Variants in KCNQ5 observed in about 807,000 individuals in gnomAD.
KCNQ5 encodes the protein potassium voltage-gated channel subfamily KQT member 5.
In KCNQ5, 30 loss-of-function variants were observed where a neutral mutation model predicts 98.2. The observed-to-expected ratio is 0.31, with a 90% CI of 0.23 to 0.41. KCNQ5 has a LOEUF of 0.41. Among genes scored for constraint, KCNQ5 ranks in the 10% least tolerant of loss-of-function variants. KCNQ5 has a pLI of 1.00. For synonymous variants in KCNQ5, 458 were observed against 449.4 expected (o/e 1.02, Z -0.24); for missense variants, 835 against 1,182.5 (o/e 0.71, Z 4.31).
At chr6:73,128,286 AT>A (rs1260015896) in intron 9 of KCNQ5, among the ~76,000 whole-genome samples, 2 of 152,208 alleles carry the variant, frequency 1.3e-5, no homozygotes, top group Non-Finnish European at 2.9e-5. Flanking sequence ...TTTCCTCTGA[AT>A]TCCCACTAAA....
Position 72,801,112 on chromosome 6 carries a change from G to A in KCNQ5, c.398+178525G>A, listed in dbSNP as rs1191297765. ...AAAAATGTATATTCTGTTGATTTGG[G>A]GTGGAGAGTTCTGGAGATGTCTATT... is the stretch of plus-strand genomic sequence containing the variant. On this transcript the variant is annotated intron_variant, in intron 1 of 13. Coordinates refer to ENST00000370398, the MANE Select transcript of KCNQ5 (RefSeq NM_019842.4). Among the ~76,000 whole-genome samples, 5 of 152,196 alleles carry A rather than the reference G, an allele frequency of 3.3e-5. No individual in the cohort carries two copies. In the South Asian group the frequency reaches 1.0e-3, roughly 32 times the overall value.
At chr6:72,712,966 CTT>C in intron 1 of KCNQ5, among the ~76,000 whole-genome samples, 1 of 152,266 alleles carries the variant, frequency 6.6e-6, no homozygotes, top group East Asian at 1.9e-4. Flanking sequence ...GCAACAAAAA[CTT>C]TCTCTCTCCT....
At chr6:72,986,603 G>A (rs1768789081) in intron 1 of KCNQ5, 2 of 663,976 alleles carry the variant, frequency 3.0e-6, no homozygotes, top group Non-Finnish European at 5.4e-6. Flanking sequence ...GGAGCACGTA[G>A]AACCTGACAC....
At chr6:72,961,383 GA>G (rs1292465977) in intron 1 of KCNQ5, among the ~76,000 whole-genome samples, 1 of 151,726 alleles carries the variant, frequency 6.6e-6, no homozygotes, top group African/African-American at 2.4e-5. Context: ...TTGGGAGGCC[GA>G]AGGCGGGCGG....
At chr6:72,789,176 T>C (rs947511732) in intron 1 of KCNQ5, among the ~76,000 whole-genome samples, 2 of 152,040 alleles carry the variant, frequency 1.3e-5, no homozygotes, top group African/African-American at 2.4e-5. Context: ...TGTGTGTGTG[T>C]TGAGACAGTC....
chr6:73,008,095 G>A (rs926585071), intron 2 of KCNQ5, among the ~76,000 whole-genome samples: 29 of 151,228 alleles, frequency 1.9e-4, no homozygotes, highest in African/African-American at 6.8e-4. Context: ...AAAGAAAATA[G>A]CTATAGAATA....
At chr6:72,739,168 G>A (rs774825254) in intron 1 of KCNQ5, among the ~76,000 whole-genome samples, 2 of 152,038 alleles carry the variant, frequency 1.3e-5, no homozygotes, top group Non-Finnish European at 2.9e-5. Context: ...ATATGGGAGC[G>A]CTATACTTTT....
intron 2 of KCNQ5, among the ~76,000 whole-genome samples, chr6:73,035,484 A>G (rs1771372889): frequency 6.6e-6 from 1 of 152,230 alleles, no homozygotes; most frequent in South Asian, 2.1e-4. Flanking sequence ...ACTAAAACCA[A>G]GCAAGAGAAA....
intron 4 of KCNQ5, 63 bp from the exon 5 acceptor site, chr6:73,077,699 A>T: frequency 6.8e-7 from 1 of 1,478,690 alleles, no homozygotes; most frequent in Non-Finnish European, 9.3e-7. Context: ...TCCTCATAGA[A>T]TTCTTTTTTC....
At chr6:73,043,679 G>A (rs1050276668) in intron 3 of KCNQ5, among the ~76,000 whole-genome samples, 7 of 152,182 alleles carry the variant, frequency 4.6e-5, no homozygotes, top group African/African-American at 1.7e-4. Flanking sequence ...ACAGGATAAG[G>A]TCAGTTCATG....
intron 1 of KCNQ5, among the ~76,000 whole-genome samples, chr6:72,875,979 T>G (rs1358992806): frequency 2.6e-5 from 4 of 152,060 alleles, no homozygotes; most frequent in Non-Finnish European, 5.9e-5. Flanking sequence ...TGTGTTACTT[T>G]TCTTTTTTAT....
intron 3 of KCNQ5, among the ~76,000 whole-genome samples, chr6:73,064,762 A>C (rs902103811): frequency 1.3e-5 from 2 of 152,154 alleles, no homozygotes; most frequent in African/African-American, 2.4e-5. Flanking sequence ...AGCATCAGAA[A>C]ATACACATGA....
chr6:72,650,840 A>G (rs1765838180), intron 1 of KCNQ5, among the ~76,000 whole-genome samples: 1 of 152,062 alleles, frequency 6.6e-6, no homozygotes, highest in African/African-American at 2.4e-5. Flanking sequence ...CTCAGGAAAA[A>G]CAGTGTGCAT....
At chr6:72,728,526 A>C (rs1405516691) in intron 1 of KCNQ5, among the ~76,000 whole-genome samples, 2 of 152,144 alleles carry the variant, frequency 1.3e-5, no homozygotes, top group Non-Finnish European at 2.9e-5. Flanking sequence ...TGAACAATCC[A>C]TTCAAAAAGG....
chr6:72,680,679 T>G (rs1337146525), intron 1 of KCNQ5, among the ~76,000 whole-genome samples: 2 of 152,234 alleles, frequency 1.3e-5, no homozygotes, highest in African/African-American at 4.8e-5. Context: ...TTCTCATTAC[T>G]TTGCCTAGCA....
intron 6 of KCNQ5, among the ~76,000 whole-genome samples, chr6:73,108,767 C>T (rs1360286319): frequency 6.6e-5 from 10 of 152,042 alleles, no homozygotes; most frequent in Admixed American, 2.0e-4. Context: ...GCGGAACTTG[C>T]AGTGAGCCGA....
intron 11 of KCNQ5, among the ~76,000 whole-genome samples, chr6:73,188,929 G>A (rs1765482490): frequency 6.9e-6 from 1 of 145,770 alleles, no homozygotes; most frequent in Non-Finnish European, 1.5e-5. Context: ...ATTACTACGA[G>A]CTGAGATCAT....
chr6:73,016,376 G>A (rs1205812083), intron 2 of KCNQ5, among the ~76,000 whole-genome samples: 1 of 152,064 alleles, frequency 6.6e-6, no homozygotes, highest in East Asian at 1.9e-4. Context: ...GAGAAGTGGA[G>A]AAAATGAGGC....
chr6:72,744,827 A>G (rs1229681496), intron 1 of KCNQ5, among the ~76,000 whole-genome samples: 2 of 152,102 alleles, frequency 1.3e-5, no homozygotes, highest in East Asian at 3.9e-4. Context: ...AAAGAAAAAG[A>G]AAAAGAAAAA....
Sources: gnomAD v4.1 joint callset for allele counts (sites outside exome capture counted in the v4.1 genomes callset) on GRCh38, gnomAD v4.1.1 for gene constraint, MANE v1.5 for transcripts, NCBI Gene and HGNC (gene_info 2026-07-23, HGNC 2026-07-21) for gene names.